ZNF488: variants seen among roughly 807,000 people sequenced by gnomAD.
ZNF488 encodes the protein zinc finger protein 488.
Under a neutral mutation model 1.2 loss-of-function variants are expected in ZNF488, and 1 was observed. The ratio of observed to expected loss-of-function variants is 0.86; its 90% CI spans 0.30 to 4.07. ZNF488 has a LOEUF of 4.07. Among genes scored for constraint, ZNF488 ranks in the 30% most tolerant of loss-of-function variants. ZNF488 has a pLI of 0.18. For synonymous variants in ZNF488, 185 were observed against 190.1 expected (o/e 0.97, Z 0.22); for missense variants, 450 against 437.9 (o/e 1.03, Z -0.25).
At chr10:47,383,640 T>C (rs1315345491) in intron 1 of ZNF488, among the ~76,000 whole-genome samples, 2 of 152,260 alleles carry the variant, frequency 1.3e-5, no homozygotes, top group African/African-American at 2.4e-5. Context: ...GGTATTGTTT[T>C]GTTTCCCAGG....
At position 47,367,567 on chromosome 10, in the gene ZNF488, GC is replaced by G. The variant is rs1448048720; in HGVS notation, c.*239del. 1.8e-5 allele frequency: 10 copies of G among 570,134 alleles called. No homozygotes were observed. In the East Asian group the frequency reaches 3.1e-4, roughly 17 times the overall value. 35.3% of individuals were successfully genotyped at this position (570,134 alleles called of 1,614,324 possible). A position where few individuals can be genotyped will look rare whatever the true frequency, so the allele number is the denominator to read the frequency against. On this transcript the variant is annotated 3_prime_UTR_variant, in exon 2 of 2. Coordinates refer to ENST00000585316, the MANE Select transcript of ZNF488 (RefSeq NM_153034.4). Reference sequence around the variant, plus strand: ...GCCAGGAGTTGCCCCTGCTCTCTGTGCCTGTTAGGGCCTCTACCCTGGATTT... The same window carrying G: ...GCCAGGAGTTGCCCCTGCTCTCTGTGCTGTTAGGGCCTCTACCCTGGATTT...
chr10:47,375,595 G>A (rs1837650189), intron 1 of ZNF488, among the ~76,000 whole-genome samples: 1 of 152,200 alleles, frequency 6.6e-6, no homozygotes, highest in South Asian at 2.1e-4. Context: ...AAAAAGCTGA[G>A]GGACTATTCT....
At chr10:47,375,645 T>C (rs996282944) in intron 1 of ZNF488, among the ~76,000 whole-genome samples, 6 of 152,212 alleles carry the variant, frequency 3.9e-5, no homozygotes, top group Non-Finnish European at 7.3e-5. Context: ...AGGAAAGAAG[T>C]TATTTAGATC....
At chr10:47,380,520 C>T (rs1249970587) in intron 1 of ZNF488, among the ~76,000 whole-genome samples, 1 of 148,904 alleles carries the variant, frequency 6.7e-6, no homozygotes, top group Non-Finnish European at 1.5e-5. Context: ...ACCAGGGTCC[C>T]CTGTTGCCCA....
In ZNF488 at chr10:47,366,076, G is replaced by A. The variant is rs931422518; in HGVS notation, c.*1731C>T. On this transcript the variant is annotated 3_prime_UTR_variant, in exon 2 of 2. Coordinates refer to ENST00000585316, the MANE Select transcript of ZNF488 (RefSeq NM_153034.4). ...AAGGAAACAGCTCTTGCCTTCCAGG[G>A]CTATTGTAGGACTCACTATAACATC... 9 of 167,010 alleles carry A rather than the reference G, an allele frequency of 5.4e-5. No individual in the cohort carries two copies. The highest frequency in any genetic ancestry group is 2.0e-4 in the Admixed American group (3 of 15,290). 10.3% of individuals were successfully genotyped at this position (167,010 alleles called of 1,614,324 possible).
rs137982397 is a variant in ZNF488, at chr10:47,366,930, T to C, written c.*877A>G. 1.2e-5 allele frequency: 2 copies of C among 167,100 alleles called. No individual in the cohort carries two copies. The highest frequency in any genetic ancestry group is 1.9e-4 in the East Asian group (1 of 5,180). The allele number at this position is 167,100 out of a possible 1,614,324, so 10.4% of individuals were successfully genotyped here. On this transcript the variant is annotated 3_prime_UTR_variant, in exon 2 of 2. Coordinates refer to ENST00000585316, the MANE Select transcript of ZNF488 (RefSeq NM_153034.4). ...ATTCCTCACCCTCCTGTGGAGGGGATGGATGGTCACTCCCTTGTCACAGCT... is the reference window on the plus strand; with the variant it reads ...ATTCCTCACCCTCCTGTGGAGGGGACGGATGGTCACTCCCTTGTCACAGCT...
At chr10:47,380,204 G>A (rs941785821) in intron 1 of ZNF488, among the ~76,000 whole-genome samples, 1 of 152,274 alleles carries the variant, frequency 6.6e-6, no homozygotes, top group African/African-American at 2.4e-5. Flanking sequence ...GAGTGTCCTG[G>A]GAAGGGCTCC....
At chr10:47,375,123 C>T (rs1206422269) in intron 1 of ZNF488, among the ~76,000 whole-genome samples, 1 of 152,190 alleles carries the variant, frequency 6.6e-6, no homozygotes, top group Admixed American at 6.5e-5. Flanking sequence ...TGGTATGCAG[C>T]CAGTGGTGTG....
In ZNF488 at chr10:47,368,833, T is replaced by A; in HGVS notation, c.-4A>T. 1.3e-6 allele frequency: 2 copies of A among 1,578,112 alleles called. No homozygotes were observed. The highest frequency in any genetic ancestry group is 2.4e-5 in the South Asian group (2 of 83,252). ...AGCAAGGTGGCCACTCTGGCATTCA[T>A]CAGTCTTTGGGGGTTTGGGGTTCTG... On this transcript the variant is annotated 5_prime_UTR_variant, in exon 2 of 2. An upstream start codon of the reference 5' UTR is lost. Transcript: ENST00000585316.
In ZNF488 at chr10:47,368,330, G is replaced by A. The variant is rs782602245; in HGVS notation, c.500C>T (p.Thr167Ile). ...SEQRSAFSKP[T>I]KRPAERPELT... ...CTCAGGCCTCTCTGCTGGTCGCTTG[G>A]TTGGTTTGCTAAAGGCGCTTCTTTG... The change falls in exon 2 of 2, where the codon ACC (threonine) becomes ATC (isoleucine). Residue 167 changes from threonine to isoleucine, a missense_variant. Thr to Ile is a moderately conservative substitution (Grantham distance 89, BLOSUM62 -1). Coordinates refer to ENST00000585316, the MANE Select transcript of ZNF488 (RefSeq NM_153034.4). 27 of 1,614,086 alleles carry A rather than the reference G, an allele frequency of 1.7e-5. No homozygotes were observed. Among genetic ancestry groups the A allele is most frequent in the Non-Finnish European group, 2.2e-5 (26 of 1,180,048 alleles).
chr10:47,368,734 G>C lies in ZNF488; in HGVS notation c.96C>G (p.Asn32Lys). Reference protein sequence around the residue: ...KGAPLSPSAENRWRLSEPELG... With the variant: ...KGAPLSPSAEKRWRLSEPELG... ...GCTCAGGTTCGCTAAGTCGCCATCT[G>C]TTTTCAGCCGATGGGCTCAACGGGG... The change falls in exon 2 of 2, where the codon AAC becomes AAG. Residue 32 changes from asparagine to lysine, a missense_variant. Transcript: ENST00000585316. 6.2e-7 allele frequency: 1 copy of C among 1,613,272 alleles called. No individual in the cohort carries two copies. The highest frequency in any genetic ancestry group is 8.5e-7 in the Non-Finnish European group (1 of 1,180,030).
At position 47,367,440 on chromosome 10, in the gene ZNF488, G is replaced by C; in HGVS notation, c.*367C>G. The C allele has an allele frequency of 3.9e-6, 1 of 254,404 alleles. No individual in the cohort carries two copies. The highest frequency in any genetic ancestry group is 8.0e-6 in the Non-Finnish European group (1 of 124,798). 15.8% of individuals were successfully genotyped at this position (254,404 alleles called of 1,614,324 possible). On this transcript the variant is annotated 3_prime_UTR_variant, in exon 2 of 2. Transcript: ENST00000585316. ...TCTCCATTTCACAGATGAGAAAATGGGGACTCAGCAGGTTAAAGCTCTTTG... is the reference window on the plus strand; with the variant it reads ...TCTCCATTTCACAGATGAGAAAATGCGGACTCAGCAGGTTAAAGCTCTTTG...
At chr10:47,381,950 T>A (rs782557770) in intron 1 of ZNF488, among the ~76,000 whole-genome samples, 5,671 of 95,696 alleles carry the variant, frequency 0.059, no homozygotes, top group Non-Finnish European at 0.074. Context: ...GGAGTGATAT[T>A]TTAGACGTTA....
At position 47,368,798 on chromosome 10, in the gene ZNF488, G is replaced by A; in HGVS notation, c.32C>T (p.Ala11Val). The change falls in exon 2 of 2, where the codon GCC becomes GTC. Residue 11 changes from alanine to valine, a missense_variant. Transcript: ENST00000585316. ...TGCCATGGTGATCACCAGGGCCGGGGCCACAGATAAGCAAGGTGGCCACTC... is the reference window on the plus strand; with the variant it reads ...TGCCATGGTGATCACCAGGGCCGGGACCACAGATAAGCAAGGTGGCCACTC... Reference protein sequence around the residue: MPEWPPCLSVAPALVITMAAG... With the variant: MPEWPPCLSVVPALVITMAAG... 6.2e-7 allele frequency: 1 copy of A among 1,602,194 alleles called. No individual in the cohort carries two copies. The highest frequency in any genetic ancestry group is 8.5e-7 in the Non-Finnish European group (1 of 1,174,706).
intron 1 of ZNF488, among the ~76,000 whole-genome samples, chr10:47,372,575 C>G (rs1158934972): frequency 6.6e-6 from 1 of 152,144 alleles, no homozygotes; most frequent in East Asian, 1.9e-4. Flanking sequence ...AAGGAGAAAA[C>G]AGAGAAAATG....
intron 1 of ZNF488, among the ~76,000 whole-genome samples, chr10:47,373,833 C>T (rs936061438): frequency 2.6e-5 from 4 of 152,210 alleles, no homozygotes; most frequent in East Asian, 1.9e-4. Context: ...ACTGAATAAA[C>T]GCAGGCAGCA....
chr10:47,380,850 G>GATC (rs1555215227), intron 1 of ZNF488, among the ~76,000 whole-genome samples: 3,699 of 25,074 alleles, frequency 0.15, no homozygotes, highest in African/African-American at 0.28. Context: ...GGTCACCTTG[G>GATC]TGTTTTCTTC....
At position 47,366,584 on chromosome 10, in the gene ZNF488, G is replaced by A. The variant is rs1202524330; in HGVS notation, c.*1223C>T. ...ACCAGTGCAAAAACGACACTGGCTT[G>A]GAAACTCCCCACAAAGGGCTTTCAC... is the stretch of plus-strand genomic sequence containing the variant. On this transcript the variant is annotated 3_prime_UTR_variant, in exon 2 of 2. Transcript: ENST00000585316. 1 of 167,022 alleles carries A rather than the reference G, an allele frequency of 6.0e-6. No individual in the cohort carries two copies. Among genetic ancestry groups the A allele is most frequent in the African/African-American group, 2.4e-5 (1 of 41,434 alleles). 10.3% of individuals were successfully genotyped at this position (167,022 alleles called of 1,614,324 possible).
At position 47,375,378 on chromosome 10, in the gene ZNF488, A is replaced by G. The variant is rs575816417; in HGVS notation, c.-108-6441T>C. On this transcript the variant is annotated intron_variant, in intron 1 of 1. Transcript: ENST00000585316. ...GGCTTGCCACGGTCCACTCCTCCTC[A>G]TGCCACATCCAGGGATATCGTGAGT... Among the ~76,000 whole-genome samples, 13 of 152,278 alleles carry G rather than the reference A, an allele frequency of 8.5e-5. No homozygotes were observed. In the South Asian group the frequency reaches 2.7e-3, roughly 32 times the overall value.
Sources: allele counts gnomAD v4.1 joint callset (sites outside exome capture counted in the v4.1 genomes callset), GRCh38; gene constraint gnomAD v4.1.1; transcripts MANE v1.5; gene names NCBI Gene and HGNC (gene_info 2026-07-23, HGNC 2026-07-21).